PGCKA1: variants seen among roughly 807,000 people sequenced by gnomAD.
PGCKA1 encodes PDCD10 and GCKIII kinases-associated protein 1.
chr4:37,544,694 A>G, the PGCKA1 span, among the ~76,000 whole-genome samples: 1 of 150,518 alleles, frequency 6.6e-6, no homozygotes, highest in Non-Finnish European at 1.5e-5. Context: ...GTTTGGGGGA[A>G]CAAGTAACAT....
At chr4:37,505,315 G>A in the PGCKA1 span, among the ~76,000 whole-genome samples, 2 of 152,110 alleles carry the variant, frequency 1.3e-5, no homozygotes, top group African/African-American at 4.8e-5. Flanking sequence ...AATTTGGTTT[G>A]CTAGTATTTC....
chr4:37,542,655 G>A, the PGCKA1 span, among the ~76,000 whole-genome samples: 2 of 152,294 alleles, frequency 1.3e-5, no homozygotes, highest in East Asian at 1.9e-4. Context: ...GCTCATTAGT[G>A]TAACCAAGGA....
the PGCKA1 span, among the ~76,000 whole-genome samples, chr4:37,587,040 C>T: frequency 6.6e-6 from 1 of 151,806 alleles, no homozygotes; most frequent in Non-Finnish European, 1.5e-5. Flanking sequence ...GTCACCGGGG[C>T]CACACTCTTT....
chr4:37,576,461 A>C, the PGCKA1 span, among the ~76,000 whole-genome samples: 85 of 152,170 alleles, frequency 5.6e-4, no homozygotes, highest in African/African-American at 2.0e-3. Flanking sequence ...TTTGCTTATC[A>C]GTTCTAATAG....
At chr4:37,549,668 C>T in the PGCKA1 span, among the ~76,000 whole-genome samples, 3 of 152,186 alleles carry the variant, frequency 2.0e-5, no homozygotes, top group Admixed American at 6.5e-5. Flanking sequence ...ACCCTAACCC[C>T]GCCACCTTAC....
the PGCKA1 span, among the ~76,000 whole-genome samples, chr4:37,501,262 C>T: frequency 2.0e-5 from 3 of 152,006 alleles, no homozygotes; most frequent in East Asian, 1.9e-4. Context: ...TGTTAGGAAC[C>T]GGGCCACACA....
the PGCKA1 span, among the ~76,000 whole-genome samples, chr4:37,521,045 T>A: frequency 3.3e-5 from 5 of 152,212 alleles, no homozygotes; most frequent in African/African-American, 4.8e-5. Context: ...TGTATTTTTT[T>A]ATTTCAATTT....
the PGCKA1 span, among the ~76,000 whole-genome samples, chr4:37,506,829 C>T: frequency 2.0e-3 from 304 of 152,164 alleles, no homozygotes; most frequent in Middle Eastern, 3.4e-3. Context: ...CCTGATGTTT[C>T]TTTATTGATT....
the PGCKA1 span, among the ~76,000 whole-genome samples, chr4:37,474,056 A>G: frequency 2.6e-5 from 4 of 152,080 alleles, no homozygotes; most frequent in African/African-American, 9.7e-5. Flanking sequence ...GGACATTGCT[A>G]TGGTTTGAAT....
the PGCKA1 span, among the ~76,000 whole-genome samples, chr4:37,545,536 T>G: frequency 1.3e-5 from 2 of 152,264 alleles, no homozygotes; most frequent in African/African-American, 4.8e-5. Flanking sequence ...ACTTTAAGGA[T>G]TCTACCATCT....
the PGCKA1 span, among the ~76,000 whole-genome samples, chr4:37,489,980 G>A: frequency 6.6e-6 from 1 of 151,482 alleles, no homozygotes; most frequent in African/African-American, 2.4e-5. Context: ...TCTCCTCTTA[G>A]ATCTCCTATC....
the PGCKA1 span, among the ~76,000 whole-genome samples, chr4:37,527,166 C>G: frequency 6.6e-6 from 1 of 152,064 alleles, no homozygotes; most frequent in African/African-American, 2.4e-5. Flanking sequence ...TCATTTTATA[C>G]AGCCACACAA....
chr4:37,489,015 G>C, the PGCKA1 span, among the ~76,000 whole-genome samples: 1,023 of 152,184 alleles, frequency 6.7e-3, 7 homozygotes, highest in Non-Finnish European at 0.01. Flanking sequence ...TTTCCTAAGT[G>C]GTTCCTCAGG....
At chr4:37,542,892 G>A in the PGCKA1 span, among the ~76,000 whole-genome samples, 1 of 151,962 alleles carries the variant, frequency 6.6e-6, no homozygotes, top group Non-Finnish European at 1.5e-5. Context: ...TTATTCATCT[G>A]GGCTGTGATC....
chr4:37,537,077 T>C, the PGCKA1 span, among the ~76,000 whole-genome samples: 1 of 152,228 alleles, frequency 6.6e-6, no homozygotes, highest in Non-Finnish European at 1.5e-5. Flanking sequence ...TTTCCAGTAA[T>C]TGATTGCTTG....
the PGCKA1 span, among the ~76,000 whole-genome samples, chr4:37,494,661 G>A: frequency 7.9e-5 from 12 of 152,000 alleles, no homozygotes; most frequent in Non-Finnish European, 1.5e-4. Flanking sequence ...CTCCTGGGTC[G>A]ATTGGTAGTT....
the PGCKA1 span, chr4:37,591,799 G>A: frequency 7.9e-5 from 12 of 152,348 alleles, no homozygotes; most frequent in Admixed American, 6.5e-4. Flanking sequence ...GCCATTAAAT[G>A]TCTGATTCCA....
the PGCKA1 span, among the ~76,000 whole-genome samples, chr4:37,478,150 C>G: frequency 1.1e-4 from 12 of 114,028 alleles, 1 homozygote; most frequent in African/African-American, 1.8e-4. Flanking sequence ...ACACCCCCCC[C>G]CACCGCCACT....
chr4:37,487,215 C>A, the PGCKA1 span, among the ~76,000 whole-genome samples: 2 of 152,126 alleles, frequency 1.3e-5, no homozygotes, highest in Non-Finnish European at 1.5e-5. Context: ...AGATTGACCC[C>A]CACACACTCT....
Sources: gnomAD v4.1 joint callset for allele counts (sites outside exome capture counted in the v4.1 genomes callset) on GRCh38, gnomAD v4.1.1 for gene constraint, MANE v1.5 for transcripts, NCBI Gene and HGNC (gene_info 2026-07-23, HGNC 2026-07-21) for gene names.